PDXDC1: variants seen among roughly 807,000 people sequenced by gnomAD.
PDXDC1 encodes pyridoxal dependent decarboxylase domain containing 1.
PDXDC1 carries 42 observed loss-of-function variants against 100.1 expected under a neutral mutation model. The observed-to-expected ratio is 0.42, with a 90% confidence interval of 0.33 to 0.54. PDXDC1 has a LOEUF of 0.54. Among genes scored for constraint, PDXDC1 ranks in the 20% least tolerant of loss-of-function variants. The probability of loss-of-function intolerance (pLI) is 0.10; values close to 1 mark genes in which losing one functional copy is unlikely to be tolerated. For missense variants in PDXDC1, 636 were observed against 979.2 expected, an observed-to-expected ratio of 0.65 and a Z score of 4.68; for synonymous variants, 260 against 371.7, an observed-to-expected ratio of 0.70 and a Z score of 3.46.
At chr16:15,061,729 C>T (rs1251506120) in intron 16 of PDXDC1, 1 of 1,599,336 alleles carries the variant, frequency 6.3e-7, no homozygotes, top group East Asian at 2.2e-5. Context: ...ACATCTCAGT[C>T]ACAAATTTCT....
downstream of PDXDC1, among the ~76,000 whole-genome samples, chr16:15,143,449 C>T (rs775701049): frequency 1.3e-5 from 2 of 152,220 alleles, no homozygotes; most frequent in Non-Finnish European, 2.9e-5. Flanking sequence ...TCTCATGCTG[C>T]AGCGGGTCTG....
At chr16:15,060,208 T>A (rs1279128637) in intron 16 of PDXDC1, 2 of 393,624 alleles carry the variant, frequency 5.1e-6, no homozygotes, top group African/African-American at 2.1e-5. Context: ...CACTTACTAC[T>A]AATTTCTGGG....
At chr16:14,983,679 T>C (rs1207418120) in intron 1 of PDXDC1, among the ~76,000 whole-genome samples, 1 of 152,268 alleles carries the variant, frequency 6.6e-6, no homozygotes, top group African/African-American at 2.4e-5. Context: ...ATCTGTGAAT[T>C]TGGCCACATC....
intron 16 of PDXDC1, chr16:15,044,711 C>T: frequency 2.4e-6 from 1 of 411,788 alleles, no homozygotes; most frequent in Non-Finnish European, 4.4e-6. Flanking sequence ...AGGACAGGTG[C>T]AGTGGCTCAC....
chr16:15,122,147 G>A (rs565759426), intron 16 of PDXDC1, among the ~76,000 whole-genome samples: 6 of 152,220 alleles, frequency 3.9e-5, no homozygotes, highest in African/African-American at 1.4e-4. Context: ...CTGGGCGACA[G>A]AGTGAGACTC....
chr16:15,001,992 T>G (rs1214272206), intron 4 of PDXDC1, 136 bp downstream of exon 4: 1 of 721,530 alleles, frequency 1.4e-6, no homozygotes, highest in South Asian at 2.1e-5. Context: ...CCTTTTTATT[T>G]TCAGAAAGAC....
At chr16:15,024,441 A>G (rs1437140139) in intron 13 of PDXDC1, among the ~76,000 whole-genome samples, 4 of 137,796 alleles carry the variant, frequency 2.9e-5, no homozygotes, top group Non-Finnish European at 6.0e-5. Context: ...GAGTCTCACT[A>G]TGTAGCCCAG....
intron 4 of PDXDC1, among the ~76,000 whole-genome samples, chr16:15,002,066 A>T (rs1366917871): frequency 6.6e-6 from 1 of 152,290 alleles, no homozygotes; most frequent in African/African-American, 2.4e-5. Context: ...CATAGTTTTT[A>T]TGGTATCATG....
chr16:15,008,337 A>G (rs1414619225), intron 6 of PDXDC1, among the ~76,000 whole-genome samples: 1 of 152,294 alleles, frequency 6.6e-6, no homozygotes, highest in Non-Finnish European at 1.5e-5. Flanking sequence ...GCATCTGCTA[A>G]TCCATATTTA....
At chr16:15,111,124 T>TCA (rs200365846) in intron 16 of PDXDC1, among the ~76,000 whole-genome samples, 2,388 of 139,074 alleles carry the variant, frequency 0.017, 83 homozygotes, top group Middle Eastern at 0.038. Context: ...TGAGACTCTG[T>TCA]CACACACACA....
chr16:15,071,515 C>T lies in PDXDC1; in HGVS notation c.1399+41459C>T, dbSNP rs528144930. The stretch of plus-strand genomic sequence containing the variant: ...AGGCACAGTGGCTCACGCCTGTAAT[C>T]CCAGCACTTTGGGAGGCCGAGGCGG... On this transcript the variant is annotated intron_variant, in intron 16 of 16. Coordinates refer to the PDXDC1 transcript ENST00000535621. Among the ~76,000 whole-genome samples, 23 of 152,346 alleles carry T rather than the reference C, an allele frequency of 1.5e-4. 1 individual carries two copies. Among genetic ancestry groups the T allele is most frequent in the African/African-American group, 5.5e-4 (23 of 41,580 alleles).
intron 16 of PDXDC1, among the ~76,000 whole-genome samples, chr16:15,073,538 C>G (rs193063991): frequency 1.9e-4 from 29 of 152,308 alleles, no homozygotes; most frequent in African/African-American, 6.7e-4. Flanking sequence ...AGATTTTCCT[C>G]TGAATATAAT....
chr16:15,053,304 G>A (rs1274304665), intron 16 of PDXDC1, among the ~76,000 whole-genome samples: 1 of 152,106 alleles, frequency 6.6e-6, no homozygotes, highest in African/African-American at 2.4e-5. Context: ...CTGTAAAATG[G>A]GAATAGCAGT....
chr16:15,128,054 T>C (rs750264653), intron 16 of PDXDC1: 9 of 1,606,128 alleles, frequency 5.6e-6, no homozygotes, highest in Non-Finnish European at 7.7e-6. Context: ...CGAAAGCCAG[T>C]CATTGACCAG....
intron 4 of PDXDC1, among the ~76,000 whole-genome samples, chr16:15,002,339 A>T (rs1941138593): frequency 6.6e-6 from 1 of 152,294 alleles, no homozygotes; most frequent in African/African-American, 2.4e-5. Flanking sequence ...AGAGACAGAC[A>T]TTACCAGTTT....
intron 16 of PDXDC1, among the ~76,000 whole-genome samples, chr16:15,100,378 T>A (rs1177730194): frequency 6.6e-6 from 1 of 152,228 alleles, no homozygotes; most frequent in Non-Finnish European, 1.5e-5. Flanking sequence ...TACACATATA[T>A]GTGTATGTAT....
chr16:15,029,580 C>T (rs1177195333), intron 15 of PDXDC1: 3 of 432,488 alleles, frequency 6.9e-6, no homozygotes, highest in Non-Finnish European at 7.9e-6. Context: ...ATGCAGGTTA[C>T]TAAGCAGTGT....
In PDXDC1 at chr16:15,032,863, A is replaced by G; in HGVS notation, c.1574A>G (p.Tyr525Cys). 6.5e-7 allele frequency: 1 copy of G among 1,540,848 alleles called. No homozygotes were observed. The highest frequency in any genetic ancestry group is 9.0e-7 in the Non-Finnish European group (1 of 1,113,060). Residue 525 changes from tyrosine (Y) to cysteine (C), a missense_variant and splice_region_variant, in exon 18 of 23, where the codon TAT becomes TGT. Coordinates refer to ENST00000396410, the MANE Select transcript of PDXDC1 (RefSeq NM_015027.4). ...GCTGTGGTTTGATGTTGTTTTAGGT[A>G]TGAACATGCTAATGATGATAAGAGC... ...PNWSGIGVVR[Y>C]EHANDDKSSL...
At chr16:15,127,534 G>T (rs764594698) in intron 16 of PDXDC1, 2 of 1,426,298 alleles carry the variant, frequency 1.4e-6, no homozygotes, top group Non-Finnish European at 1.9e-6. Flanking sequence ...AACCACGCTG[G>T]ACACCAGGCC....
Sources: gnomAD v4.1 joint callset for allele counts (sites outside exome capture counted in the v4.1 genomes callset) on GRCh38, gnomAD v4.1.1 for gene constraint, MANE v1.5 for transcripts, NCBI Gene and HGNC (gene_info 2026-07-23, HGNC 2026-07-21) for gene names.